PARVA: variants seen among roughly 807,000 people sequenced by gnomAD.
PARVA encodes the protein alpha-parvin.
A neutral mutation model predicts 52.6 loss-of-function variants in PARVA; 25 were observed. The observed-to-expected ratio is 0.48, with a 90% CI of 0.35 to 0.66. PARVA has a LOEUF of 0.66. Among genes scored for constraint, PARVA ranks in the 30% least tolerant of loss-of-function variants. The pLI, the probability that PARVA is intolerant of heterozygous loss-of-function variation, is 0.01. For synonymous variants in PARVA, 185 were observed against 179.1 expected (o/e 1.03, Z -0.26); for missense variants, 373 against 450.9 (o/e 0.83, Z 1.56).
chr11:12,501,677 T>C (rs1409612100), intron 5 of PARVA, among the ~76,000 whole-genome samples: 3 of 152,246 alleles, frequency 2.0e-5, no homozygotes, highest in African/African-American at 7.2e-5. Flanking sequence ...TCCAGGGTTT[T>C]AAAACATCAT....
intron 4 of PARVA, among the ~76,000 whole-genome samples, chr11:12,483,688 G>A (rs1941119301): frequency 6.6e-6 from 1 of 152,228 alleles, no homozygotes; most frequent in Non-Finnish European, 1.5e-5. Context: ...GGGCCAAGGA[G>A]CTGGGGGAAG....
At chr11:12,473,095 G>T (rs948185484) in intron 1 of PARVA, among the ~76,000 whole-genome samples, 3 of 152,158 alleles carry the variant, frequency 2.0e-5, no homozygotes, top group Non-Finnish European at 4.4e-5. Flanking sequence ...TTCAGCTGAG[G>T]AAATGGGCCA....
chr11:12,498,456 C>T (rs554996857), intron 5 of PARVA, among the ~76,000 whole-genome samples: 1 of 152,110 alleles, frequency 6.6e-6, no homozygotes. Flanking sequence ...AATCATCACT[C>T]GTATTACCAT....
chr11:12,392,928 T>A (rs577226380), intron 1 of PARVA, among the ~76,000 whole-genome samples: 6 of 151,836 alleles, frequency 4.0e-5, no homozygotes, highest in African/African-American at 1.4e-4. Context: ...TCTTGCAGAA[T>A]GGCTGTGCTC....
At chr11:12,508,737 G>A (rs1941466732) in intron 7 of PARVA, 95 bp downstream of exon 7, 1 of 991,776 alleles carries the variant, frequency 1.0e-6, no homozygotes, top group Admixed American at 1.8e-5. Context: ...TTCATTTATT[G>A]GGATTGCAGG....
Position 12,533,808 on chromosome 11 carries a change from C to CTGAGGAGGAGGAGGA in PARVA, c.*5883_*5884insTGAGGAGGAGGAGGA, listed in dbSNP as rs56689985. On this transcript the variant is annotated 3_prime_UTR_variant, in exon 13 of 13. Coordinates refer to ENST00000334956, the MANE Select transcript of PARVA (RefSeq NM_018222.5). The stretch of plus-strand genomic sequence containing the variant: ...CCTCATGGTCATCACATTGAGTAGG[C>CTGAGGAGGAGGAGGA]GGAGGAGGAGGAGGAGGAGGAGGAG... 8.0e-5 allele frequency among the ~76,000 whole-genome samples: 12 copies of CTGAGGAGGAGGAGGA among 150,278 alleles called. No individual in the cohort carries two copies. The highest frequency in any genetic ancestry group is 4.3e-4 in the South Asian group (2 of 4,692).
rs373076786 is a variant in PARVA at position 12,477,977 on chromosome 11, G to A, written c.400+28G>A. On this transcript the variant is annotated intron_variant, in intron 4 of 12. Transcript: ENST00000334956. ...AGGAGAGTTGAGTGCTGCAATGGAT[G>A]TGTGTTTAATTGCAGGTGGTTGGAT... 3.2e-6 allele frequency: 4 copies of A among 1,233,062 alleles called. No homozygotes were observed. The African/African-American group carries it at 4.4e-5, about 14-fold the overall frequency. 76.4% of individuals were successfully genotyped at this position (1,233,062 alleles called of 1,614,324 possible). A position where few individuals can be genotyped will look rare whatever the true frequency, so the allele number is the denominator to read the frequency against.
intron 1 of PARVA, among the ~76,000 whole-genome samples, chr11:12,386,814 C>A (rs1286845804): frequency 2.0e-5 from 3 of 152,340 alleles, no homozygotes; most frequent in Middle Eastern, 6.8e-3. Flanking sequence ...CCCAGCTTCT[C>A]TCAAATTCAG....
chr11:12,388,489 A>G (rs1280206544), intron 1 of PARVA, among the ~76,000 whole-genome samples: 1 of 151,934 alleles, frequency 6.6e-6, no homozygotes, highest in Non-Finnish European at 1.5e-5. Context: ...ATGACTGCAC[A>G]CTCTCTTGGG....
chr11:12,524,537 G>A (rs1564871208), intron 12 of PARVA, among the ~76,000 whole-genome samples: 1 of 151,988 alleles, frequency 6.6e-6, no homozygotes, highest in Non-Finnish European at 1.5e-5. Flanking sequence ...CCTCCTTTGC[G>A]ACCCGTGCTC....
intron 1 of PARVA, among the ~76,000 whole-genome samples, chr11:12,422,719 A>G (rs1428522666): frequency 6.6e-6 from 1 of 152,170 alleles, no homozygotes; most frequent in Admixed American, 6.5e-5. Context: ...TGTCAAATGA[A>G]GTCTCATTAC....
chr11:12,507,665 C>G (rs1414860177), intron 6 of PARVA, among the ~76,000 whole-genome samples: 1 of 152,146 alleles, frequency 6.6e-6, no homozygotes. Context: ...AGTGCTTGCT[C>G]CTGGCCTGCA....
At chr11:12,470,845 T>G (rs1417053067) in intron 1 of PARVA, among the ~76,000 whole-genome samples, 2 of 152,172 alleles carry the variant, frequency 1.3e-5, no homozygotes, top group Non-Finnish European at 2.9e-5. Flanking sequence ...TAGAACATTC[T>G]CGCTGCACTG....
rs1764773174 is a variant in PARVA, at chr11:12,533,530, A to G, written c.*5605A>G. Among the ~76,000 whole-genome samples the G allele has an allele frequency of 6.6e-6, 1 of 152,150 alleles. No individual in the cohort carries two copies. On this transcript the variant is annotated 3_prime_UTR_variant, in exon 13 of 13. Transcript: ENST00000334956. ...CAACTTTCATATGAAAGTACGGTTGATCCTTGAATGATATGGGCACCGACC... is the reference window on the plus strand; with the variant it reads ...CAACTTTCATATGAAAGTACGGTTGGTCCTTGAATGATATGGGCACCGACC...
At chr11:12,407,009 T>A (rs1415926771) in intron 1 of PARVA, among the ~76,000 whole-genome samples, 1 of 152,110 alleles carries the variant, frequency 6.6e-6, no homozygotes, top group Non-Finnish European at 1.5e-5. Context: ...ATTGACATCT[T>A]TTTGTGCATT....
At chr11:12,474,687 AGCTGGTGGGT>A (rs1940984016) in intron 3 of PARVA, among the ~76,000 whole-genome samples, 1 of 152,026 alleles carries the variant, frequency 6.6e-6, no homozygotes, top group Non-Finnish European at 1.5e-5. Context: ...ACAAAAAATT[AGCTGGTGGGT>A]GGATCACTTG....
intron 12 of PARVA, among the ~76,000 whole-genome samples, chr11:12,525,389 A>AG (rs1181371131): frequency 6.6e-6 from 1 of 152,108 alleles, no homozygotes. Context: ...TGGCTCCAGT[A>AG]GGTAGAATGG....
chr11:12,477,831 T>C lies in PARVA; in HGVS notation c.298-16T>C, dbSNP rs2135041000. 1 of 1,352,434 alleles carries C rather than the reference T, an allele frequency of 7.4e-7. No individual in the cohort carries two copies. The highest frequency in any genetic ancestry group is 1.1e-6 in the Non-Finnish European group (1 of 941,236). The allele number at this position is 1,352,434 out of a possible 1,614,324, so 83.8% of individuals were successfully genotyped here. On this transcript the variant is annotated splice_polypyrimidine_tract_variant and intron_variant, in intron 3 of 12. Coordinates refer to ENST00000334956, the MANE Select transcript of PARVA (RefSeq NM_018222.5). ...CTTTTCTTACTATTGCACATTCCCTTTCTCTCTCTCTGTAGGTATTAATTG... is the reference window on the plus strand; with the variant it reads ...CTTTTCTTACTATTGCACATTCCCTCTCTCTCTCTCTGTAGGTATTAATTG...
chr11:12,391,729 G>A (rs977579350), intron 1 of PARVA, among the ~76,000 whole-genome samples: 11 of 152,256 alleles, frequency 7.2e-5, no homozygotes, highest in South Asian at 2.1e-4. Context: ...GAAATGGACC[G>A]GATTTTAACA....
Sources: gnomAD v4.1 joint callset for allele counts (sites outside exome capture counted in the v4.1 genomes callset) on GRCh38, gnomAD v4.1.1 for gene constraint, MANE v1.5 for transcripts, NCBI Gene and HGNC (gene_info 2026-07-23, HGNC 2026-07-21) for gene names.